FRYL: variants seen among roughly 807,000 people sequenced by gnomAD.
FRYL encodes FRY like transcription coactivator, also known as protein furry homolog-like.
In FRYL, 150 loss-of-function variants were observed where a neutral mutation model predicts 351.2. The observed-to-expected ratio is 0.43, with a 90% CI of 0.37 to 0.49. The LOEUF (loss-of-function observed/expected upper bound fraction) is 0.49. Ranked by LOEUF, FRYL falls within the 20% of genes least tolerant of loss-of-function variation. FRYL has a pLI of 0.00. For missense variants in FRYL, 3,036 were observed against 3,619.3 expected (o/e 0.84, Z 4.13); for synonymous variants, 1,153 against 1,257.1 (o/e 0.92, Z 1.75).
chr4:48,638,505 G>T (rs1367750986), intron 3 of FRYL: 1 of 152,178 alleles, frequency 6.6e-6, no homozygotes, highest in Non-Finnish European at 1.5e-5. Context: ...TTACGCTGTT[G>T]GTGGGAGTGT....
chr4:48,550,398 C>T (rs1271926322), intron 38 of FRYL, 194 bp downstream of exon 38: 2 of 546,046 alleles, frequency 3.7e-6, no homozygotes, highest in African/African-American at 3.8e-5. Flanking sequence ...GAAACCAGTG[C>T]TTTAAAAAAA....
chr4:48,602,248 A>G (rs1745861338), intron 12 of FRYL, 127 bp from the exon 13 acceptor site: 2 of 592,012 alleles, frequency 3.4e-6, no homozygotes, highest in East Asian at 3.3e-5. Context: ...CCAATTCGTA[A>G]TAAGAAATAT....
chr4:48,556,114 C>T (rs1369991700), intron 35 of FRYL, among the ~76,000 whole-genome samples: 6 of 152,114 alleles, frequency 3.9e-5, no homozygotes, highest in East Asian at 1.9e-4. Context: ...AGGCTGGCCT[C>T]GGACTCCTGA....
intron 2 of FRYL, among the ~76,000 whole-genome samples, chr4:48,698,854 C>T (rs1269218769): frequency 6.6e-6 from 1 of 151,756 alleles, no homozygotes; most frequent in Admixed American, 6.6e-5. Context: ...TTAAGTCAGT[C>T]TAAACAAGTA....
At chr4:48,553,126 G>A (rs1733263176) in intron 36 of FRYL, 89 bp downstream of exon 36, 1 of 907,672 alleles carries the variant, frequency 1.1e-6, no homozygotes, top group South Asian at 1.8e-5. Flanking sequence ...CATGTTATGG[G>A]ACATAGAGAC....
At chr4:48,694,334 G>A (rs560837810) in intron 2 of FRYL, among the ~76,000 whole-genome samples, 1 of 149,812 alleles carries the variant, frequency 6.7e-6, no homozygotes. Context: ...GTCTTGCTCT[G>A]TTGCCCAGGC....
chr4:48,519,484 G>A (rs1232556557), intron 55 of FRYL, among the ~76,000 whole-genome samples: 1 of 147,904 alleles, frequency 6.8e-6, no homozygotes, highest in Non-Finnish European at 1.5e-5. Context: ...ACACTGAAAT[G>A]TAATTTCTTT....
rs1233045735 is a variant in FRYL, at chr4:48,634,507, C to T, written c.-80-17G>A. The T allele has an allele frequency of 1.9e-6, 3 of 1,590,578 alleles. No homozygotes were observed. The highest frequency in any genetic ancestry group is 2.6e-6 in the Non-Finnish European group (3 of 1,164,346). ...GCGCTGAAGCTAAAAGTAAAAGAAA[C>T]AAAAGAACTCTACTTTAATAAATCA... On this transcript the variant is annotated splice_polypyrimidine_tract_variant and intron_variant, in intron 3 of 63. Transcript: ENST00000358350.
At chr4:48,721,097 T>A (rs1479108402) in intron 1 of FRYL, among the ~76,000 whole-genome samples, 2 of 152,196 alleles carry the variant, frequency 1.3e-5, no homozygotes, top group Non-Finnish European at 2.9e-5. Flanking sequence ...TAATAGCAAG[T>A]AGGCCTCCCA....
chr4:48,588,279 A>G (rs1742556513), intron 18 of FRYL, among the ~76,000 whole-genome samples: 1 of 152,240 alleles, frequency 6.6e-6, no homozygotes, highest in Non-Finnish European at 1.5e-5. Context: ...ATCACTGTGT[A>G]GTGTGTTCTT....
intron 1 of FRYL, among the ~76,000 whole-genome samples, chr4:48,743,030 G>T (rs547581713): frequency 6.9e-4 from 91 of 132,626 alleles, no homozygotes; most frequent in South Asian, 2.0e-3. Flanking sequence ...CGTCGATCAG[G>T]CTGGTCTTGA....
At chr4:48,505,262 C>T in intron 60 of FRYL, 1 of 366,630 alleles carries the variant, frequency 2.7e-6, no homozygotes, top group Non-Finnish European at 5.1e-6. Flanking sequence ...GAGGCACATG[C>T]AACTTAAAAG....
Position 48,529,833 on chromosome 4 carries a change from GC to G in FRYL, c.6903+1322del, listed in dbSNP as rs59199817. 3.1e-3 allele frequency among the ~76,000 whole-genome samples: 466 copies of G among 152,266 alleles called. 1 individual carries two copies. The highest frequency in any genetic ancestry group is 0.011 in the African/African-American group (445 of 41,554). On this transcript the variant is annotated intron_variant, in intron 50 of 63. Transcript: ENST00000358350. ...GAGGGAAAAAAAATCGGGACTCTCA[GC>G]AAGGATGAGAAATCTTTAAGTGAGA...
At chr4:48,561,973 G>A (rs1167180563) in intron 32 of FRYL, among the ~76,000 whole-genome samples, 1 of 152,144 alleles carries the variant, frequency 6.6e-6, no homozygotes, top group Non-Finnish European at 1.5e-5. Context: ...CCATGACTGT[G>A]CCACTGTACT....
chr4:48,565,673 A>G lies in FRYL; in HGVS notation c.3188T>C (p.Ile1063Thr), dbSNP rs1156580603. Residue 1063 changes from isoleucine to threonine, a missense_variant, in exon 29 of 64, where the codon ATT (isoleucine) becomes ACT (threonine). By Grantham distance (89) the Ile-to-Thr change is moderately conservative. Coordinates refer to ENST00000358350, the MANE Select transcript of FRYL (RefSeq NM_015030.2). ...QNVPVHQRRS[I>T]FPQQSLRHSL... ...GTGACGAAGGCTCTGTTGAGGAAAA[A>G]TACTTCTTCTCTGGTGCACTGTGAA... 1 of 1,607,116 alleles carries G rather than the reference A, an allele frequency of 6.2e-7. No homozygotes were observed. The highest frequency in any genetic ancestry group is 1.1e-5 in the South Asian group (1 of 89,688).
chr4:48,633,242 A>C (rs1753610198), intron 4 of FRYL, among the ~76,000 whole-genome samples: 1 of 152,120 alleles, frequency 6.6e-6, no homozygotes, highest in Admixed American at 6.6e-5. Flanking sequence ...AGAAGGTAAA[A>C]CTGTTCTGTT....
chr4:48,554,011 T>A (rs1165892695), intron 35 of FRYL, among the ~76,000 whole-genome samples: 1 of 152,232 alleles, frequency 6.6e-6, no homozygotes, highest in African/African-American at 2.4e-5. Context: ...AGTTAAGGTT[T>A]ATAATGCACT....
intron 15 of FRYL, among the ~76,000 whole-genome samples, chr4:48,594,408 G>A (rs1380027285): frequency 6.6e-6 from 1 of 152,012 alleles, no homozygotes; most frequent in East Asian, 1.9e-4. Flanking sequence ...CCGGGGGGTG[G>A]GGGGAAGTTA....
chr4:48,552,438 ATATTT>A (rs1733079880), intron 36 of FRYL, among the ~76,000 whole-genome samples: 1 of 4,730 alleles, frequency 2.1e-4, no homozygotes, highest in African/African-American at 2.3e-4. Flanking sequence ...TATAGAACTT[ATATTT>A]TTTTTAATAT....
Sources: allele counts gnomAD v4.1 joint callset (sites outside exome capture counted in the v4.1 genomes callset), GRCh38; gene constraint gnomAD v4.1.1; transcripts MANE v1.5; gene names NCBI Gene and HGNC (gene_info 2026-07-23, HGNC 2026-07-21).